Variants in SLC25A46 observed in about 807,000 individuals in gnomAD.
SLC25A46 encodes solute carrier family 25 member 46, also known as mitochondrial outer membrane protein SLC25A46.
Under a neutral mutation model 44.6 loss-of-function variants are expected in SLC25A46, and 39 were observed. The observed-to-expected ratio is 0.87, with a 90% CI of 0.68 to 1.14. The LOEUF (loss-of-function observed/expected upper bound fraction) is 1.14, where lower values mean the gene tolerates loss of function less well. Ranked by LOEUF, SLC25A46 falls within the 50% of genes most tolerant of loss-of-function variation. SLC25A46 has a pLI of 0.00. For synonymous variants in SLC25A46, 202 were observed against 185.8 expected (o/e 1.09, Z -0.71); for missense variants, 547 against 522.7 (o/e 1.05, Z -0.45).
chr5:110,740,263 A>G lies in SLC25A46; in HGVS notation c.283+861A>G, dbSNP rs73230116. Among the ~76,000 whole-genome samples, 752 of 151,914 alleles carry G rather than the reference A, an allele frequency of 5.0e-3. 8 individuals carry two copies. Among genetic ancestry groups the G allele is most frequent in the African/African-American group, 0.017 (711 of 41,170 alleles). On this transcript the variant is annotated intron_variant, in intron 1 of 7. Transcript: ENST00000355943. ...TTAGAATAATAGATTAATGGTATTA[A>G]TATTAAATTTATTGTAGAAATCAGC...
At position 110,761,105 on chromosome 5, in the gene SLC25A46, TC is replaced by T. The variant is rs1265251942; in HGVS notation, c.679-98del. 4.6e-6 allele frequency: 4 copies of T among 863,180 alleles called. No homozygotes were observed. The highest frequency in any genetic ancestry group is 7.2e-6 in the Non-Finnish European group (4 of 552,042). 53.5% of individuals were successfully genotyped at this position (863,180 alleles called of 1,614,324 possible). On this transcript the variant is annotated intron_variant, in intron 7 of 7. Coordinates refer to ENST00000355943, the MANE Select transcript of SLC25A46 (RefSeq NM_138773.4). This position sits in a 1 kb window ranked among gnomAD's most constrained non-coding sequence, Gnocchi z 5.3. ...AAATCATGGATGTTTCCCTCTTCAG[TC>T]ACTATGTTAGGATTTAAAAGGAACC...
rs200566665 is a variant in SLC25A46, at chr5:110,739,354, G to A, written c.235G>A (p.Glu79Lys). The change falls in exon 1 of 8, where the codon GAA becomes AAA. Residue 79 changes from glutamate to lysine, a missense_variant. Coordinates refer to ENST00000355943, the MANE Select transcript of SLC25A46 (RefSeq NM_138773.4). ...TSTPYEGPTEEPFSSGGGGSV... is the reference protein window; with the variant it reads ...TSTPYEGPTEKPFSSGGGGSV... ...CACCCCGTACGAAGGCCCCACGGAG[G>A]AACCCTTTTCCAGTGGCGGCGGCGG... 3,095 of 1,561,996 alleles carry A rather than the reference G, an allele frequency of 2.0e-3. 10 individuals are homozygous for A. The highest frequency in any genetic ancestry group is 2.4e-3 in the Non-Finnish European group (2,823 of 1,155,158).
intron 7 of SLC25A46, among the ~76,000 whole-genome samples, chr5:110,757,784 A>C (rs1208704820): frequency 6.6e-6 from 1 of 152,108 alleles, no homozygotes; most frequent in Admixed American, 6.6e-5. Context: ...GTAAGGGAAA[A>C]ATGTCAGGAA....
At chr5:110,750,515 C>T (rs1220398409) in intron 5 of SLC25A46, among the ~76,000 whole-genome samples, 1 of 152,080 alleles carries the variant, frequency 6.6e-6, no homozygotes, top group African/African-American at 2.4e-5. Context: ...TGCTTAAGTC[C>T]CTTTTATAAA....
Position 110,761,103 on chromosome 5 carries a change from A to G in SLC25A46, c.679-101A>G. The G allele has an allele frequency of 2.4e-6, 2 of 844,522 alleles. No individual in the cohort carries two copies. The highest frequency in any genetic ancestry group is 3.0e-4 in the Middle Eastern group (1 of 3,304). The allele number at this position is 844,522 out of a possible 1,614,324, so 52.3% of individuals were successfully genotyped here. On this transcript the variant is annotated intron_variant, in intron 7 of 7. Transcript: ENST00000355943. The surrounding 1 kb of genome is among the most constrained non-coding windows in gnomAD (Gnocchi z 5.3). ...GCAAATCATGGATGTTTCCCTCTTC[A>G]GTCACTATGTTAGGATTTAAAAGGA...
rs755470887 is a variant in SLC25A46 at position 110,743,791 on chromosome 5, A to C, written c.384+4A>C. ...TGTTCTACGCCGCCAATGTCAGGTA[A>C]ATGTAATTTCTGTGATCTTTTGAAG... On this transcript the variant is annotated splice_donor_region_variant and intron_variant, in intron 3 of 7. Transcript: ENST00000355943. 2 of 1,603,428 alleles carry C rather than the reference A, an allele frequency of 1.2e-6. No homozygotes were observed. Among genetic ancestry groups the C allele is most frequent in the Non-Finnish European group, 1.7e-6 (2 of 1,172,882 alleles).
chr5:110,738,879 C>A, upstream of SLC25A46: 1 of 979,128 alleles, frequency 1.0e-6, no homozygotes, highest in Non-Finnish European at 1.4e-6. Context: ...TCCCTAACGA[C>A]AACAAACTTT....
rs747982810 is a variant in SLC25A46 at position 110,755,539 on chromosome 5, G to A, written c.620+18G>A. On this transcript the variant is annotated intron_variant, in intron 6 of 7. Transcript: ENST00000355943. ...CTGAAATCGTAAGTATCAAAAAATG[G>A]CATTTTTATTGGGCATTTTCACTAA... 1.1e-5 allele frequency: 17 copies of A among 1,526,636 alleles called. No homozygotes were observed. The East Asian group carries it at 2.7e-4, about 25-fold the overall frequency. 94.6% of individuals were successfully genotyped at this position (1,526,636 alleles called of 1,614,324 possible). A position where few individuals can be genotyped will look rare whatever the true frequency, so the allele number is the denominator to read the frequency against.
chr5:110,741,065 A>G (rs1799676162), intron 1 of SLC25A46, among the ~76,000 whole-genome samples: 1 of 152,204 alleles, frequency 6.6e-6, no homozygotes, highest in Admixed American at 6.5e-5. Flanking sequence ...TCCCAGGAAC[A>G]TGCTTAGGTG....
chr5:110,754,927 G>A (rs1415676775), intron 5 of SLC25A46: 1 of 152,352 alleles, frequency 6.6e-6, no homozygotes, highest in East Asian at 1.9e-4. Context: ...TTCATGCAAA[G>A]CACTTTGCAT....
At chr5:110,753,761 G>A (rs1800031599) in intron 5 of SLC25A46, 1 of 152,060 alleles carries the variant, frequency 6.6e-6, no homozygotes, top group Admixed American at 6.6e-5. Context: ...ATTGGCAGTA[G>A]TCATCAAAGG....
At chr5:110,742,115 C>T (rs781384759) in intron 2 of SLC25A46, 26 bp downstream of exon 2, 12 of 1,482,030 alleles carry the variant, frequency 8.1e-6, no homozygotes, top group Non-Finnish European at 1.0e-5. Flanking sequence ...AAGACGTTTA[C>T]AGCTTTTATT....
chr5:110,745,513 A>T (rs1167460489), intron 3 of SLC25A46: 1 of 152,328 alleles, frequency 6.6e-6, no homozygotes, highest in Non-Finnish European at 1.5e-5. Flanking sequence ...TCAGCCTCCC[A>T]AAGTGGTGGG....
intron 3 of SLC25A46, among the ~76,000 whole-genome samples, chr5:110,744,423 A>G (rs1477642086): frequency 6.6e-6 from 1 of 152,238 alleles, no homozygotes; most frequent in African/African-American, 2.4e-5. Context: ...TGCATCTTGA[A>G]TAGATATTTT....
chr5:110,749,002 A>C (rs1280945673), intron 5 of SLC25A46, among the ~76,000 whole-genome samples: 1 of 152,100 alleles, frequency 6.6e-6, no homozygotes, highest in Non-Finnish European at 1.5e-5. Flanking sequence ...ATTTATGGAG[A>C]TCTATTGTAA....
intron 4 of SLC25A46, among the ~76,000 whole-genome samples, chr5:110,746,981 T>A (rs1293944393): frequency 6.6e-6 from 1 of 152,158 alleles, no homozygotes; most frequent in African/African-American, 2.4e-5. Flanking sequence ...TTCTAAGAAC[T>A]GCACACTACT....
At chr5:110,743,873 G>C in intron 3 of SLC25A46, 86 bp downstream of exon 3, 1 of 1,025,528 alleles carries the variant, frequency 9.8e-7, no homozygotes, top group Admixed American at 2.4e-5. Flanking sequence ...ATGAAACCAG[G>C]TAATTGTTAC....
At chr5:110,745,157 A>G (rs1799783903) in intron 3 of SLC25A46, among the ~76,000 whole-genome samples, 1 of 152,354 alleles carries the variant, frequency 6.6e-6, no homozygotes, top group African/African-American at 2.4e-5. Context: ...CTTAGTAATC[A>G]CTAGGAAAAT....
intron 7 of SLC25A46, among the ~76,000 whole-genome samples, chr5:110,760,180 G>A (rs1800214691): frequency 1.3e-5 from 2 of 152,070 alleles, no homozygotes; most frequent in Admixed American, 1.3e-4. Context: ...AGCAACCTTG[G>A]GGTTATCCTT....
Sources: allele counts gnomAD v4.1 joint callset (sites outside exome capture counted in the v4.1 genomes callset), GRCh38; gene constraint gnomAD v4.1.1; non-coding constraint Gnocchi (gnomAD v3.1); transcripts MANE v1.5; gene names NCBI Gene and HGNC (gene_info 2026-07-23, HGNC 2026-07-21).